The following SEMA5A variants were observed in gnomAD, a reference collection of about 807,000 sequenced individuals.
SEMA5A encodes semaphorin-5A.
SEMA5A carries 55 observed loss-of-function variants against 135.5 expected under a neutral mutation model. The ratio of observed to expected loss-of-function variants is 0.41; its 90% CI spans 0.33 to 0.51. The LOEUF is 0.51. Ranked by LOEUF, SEMA5A falls within the 20% of genes least tolerant of loss-of-function variation. SEMA5A has a pLI of 0.37. For missense variants in SEMA5A, 1,290 were observed against 1,419.9 expected (o/e 0.91, Z 1.47); for synonymous variants, 580 against 546.5 (o/e 1.06, Z -0.85).
At chr5:9,164,128 A>AG (rs1743467117) in intron 11 of SEMA5A, among the ~76,000 whole-genome samples, 4 of 110,784 alleles carry the variant, frequency 3.6e-5, no homozygotes, top group Non-Finnish European at 5.0e-5. Flanking sequence ...AATATATCAT[A>AG]TAAATATTTA....
chr5:9,190,443 A>G lies in SEMA5A; in HGVS notation c.1097T>C (p.Val366Ala), dbSNP rs1293498085. 2.5e-6 allele frequency: 4 copies of G among 1,613,688 alleles called. No homozygotes were observed. In the South Asian group the frequency reaches 4.4e-5, roughly 18 times the overall value. ...QCGTVDQGLY[V>A]NLTERNLQDA... ...CTGCAGATTTCTCTCGGTCAGGTTCACGTACAGGCCCTGGTCCACGGTGCC... is the reference window on the plus strand; with the variant it reads ...CTGCAGATTTCTCTCGGTCAGGTTCGCGTACAGGCCCTGGTCCACGGTGCC... The change falls in exon 11 of 23, where the codon GTG becomes GCG. Residue 366 changes from valine (V) to alanine (A), a missense_variant. Val to Ala is a moderately conservative substitution (Grantham distance 64). Around this residue, in one of 3 missense-constraint regions of SEMA5A, gnomAD observed 1,029 missense variants for 1,086.6 expected, o/e 0.95. Coordinates refer to ENST00000382496, the MANE Select transcript of SEMA5A (RefSeq NM_003966.3).
At chr5:9,446,181 T>C (rs1415637926) in intron 1 of SEMA5A, among the ~76,000 whole-genome samples, 1 of 152,164 alleles carries the variant, frequency 6.6e-6, no homozygotes, top group African/African-American at 2.4e-5. Context: ...TTGGTGAATA[T>C]TTAAAGCTAG....
At position 9,291,095 on chromosome 5, in the gene SEMA5A, T is replaced by C. The variant is rs570447647; in HGVS notation, c.270+27277A>G. 3.3e-5 allele frequency among the ~76,000 whole-genome samples: 5 copies of C among 152,316 alleles called. No homozygotes were observed. In the South Asian group the frequency reaches 1.0e-3, roughly 32 times the overall value. On this transcript the variant is annotated intron_variant, in intron 5 of 22. Transcript: ENST00000382496. ...AACAGAATTTCCCATTTTCTTTCCA[T>C]CCGTCTCTTGAGATCACTGCTATTG...
chr5:9,194,857 C>T (rs891555761), intron 10 of SEMA5A, among the ~76,000 whole-genome samples: 108 of 152,102 alleles, frequency 7.1e-4, no homozygotes, highest in Non-Finnish European at 9.3e-4. Context: ...TAAAACCAGT[C>T]GCTCCTGGCC....
At chr5:9,075,935 G>A (rs940564025) in intron 16 of SEMA5A, among the ~76,000 whole-genome samples, 4 of 152,114 alleles carry the variant, frequency 2.6e-5, no homozygotes, top group East Asian at 1.9e-4. Context: ...GGCCAGGCAT[G>A]GTGGCTCACG....
intron 2 of SEMA5A, among the ~76,000 whole-genome samples, chr5:9,384,559 G>GATAGATAGATAGATAGATAC (rs1561207495): frequency 1.6e-5 from 2 of 123,534 alleles, no homozygotes; most frequent in African/African-American, 6.1e-5. Flanking sequence ...TAGATAGATA[G>GATAGATAGATAGATAGATAC]ATAGATAGAT....
At chr5:9,391,757 A>G (rs1186009229) in intron 2 of SEMA5A, among the ~76,000 whole-genome samples, 2 of 152,180 alleles carry the variant, frequency 1.3e-5, no homozygotes, top group African/African-American at 4.8e-5. Flanking sequence ...ATGCCCCTCA[A>G]AAGTCCATTT....
At chr5:9,308,556 A>G (rs1015899) in intron 5 of SEMA5A, among the ~76,000 whole-genome samples, 21,488 of 152,134 alleles carry the variant, frequency 0.14, 1,613 homozygotes, top group South Asian at 0.19. Context: ...GAGAACCCCT[A>G]TCTCAGACTG....
At chr5:9,226,360 G>A (rs1747310887) in intron 7 of SEMA5A, among the ~76,000 whole-genome samples, 2 of 152,160 alleles carry the variant, frequency 1.3e-5, no homozygotes, top group African/African-American at 4.8e-5. Flanking sequence ...TGATTGCCAG[G>A]TTAAAGACAA....
At chr5:9,346,008 AC>A (rs1753850454) in intron 3 of SEMA5A, among the ~76,000 whole-genome samples, 5 of 152,132 alleles carry the variant, frequency 3.3e-5, no homozygotes. Flanking sequence ...TAAAAGCCTG[AC>A]AGACTGCAGC....
intron 10 of SEMA5A, among the ~76,000 whole-genome samples, chr5:9,196,686 C>T (rs1332792415): frequency 1.3e-5 from 2 of 152,154 alleles, no homozygotes; most frequent in African/African-American, 4.8e-5. Context: ...GAAGGGCCTC[C>T]ACCTCCTCTT....
intron 5 of SEMA5A, among the ~76,000 whole-genome samples, chr5:9,240,545 T>G (rs1748136422): frequency 6.6e-6 from 1 of 151,778 alleles, no homozygotes; most frequent in Non-Finnish European, 1.5e-5. Context: ...TTTCATCACT[T>G]GACAGACATG....
At chr5:9,231,451 G>A (rs958474659) in intron 6 of SEMA5A, among the ~76,000 whole-genome samples, 11 of 111,530 alleles carry the variant, frequency 9.9e-5, no homozygotes, top group Non-Finnish European at 1.3e-4. Flanking sequence ...TGAGTACAGA[G>A]CAAGACTCCA....
chr5:9,470,187 C>A (rs1023829445), intron 1 of SEMA5A, among the ~76,000 whole-genome samples: 3 of 152,172 alleles, frequency 2.0e-5, no homozygotes, highest in African/African-American at 7.2e-5. Context: ...ACTCCACAGG[C>A]TGGAAACTCT....
intron 12 of SEMA5A, among the ~76,000 whole-genome samples, chr5:9,151,275 T>C (rs760758460): frequency 7.9e-5 from 12 of 152,194 alleles, no homozygotes; most frequent in African/African-American, 2.4e-5. Flanking sequence ...AAATTAAACA[T>C]GTAAACATGA....
chr5:9,538,525 GA>G (rs1163794071), intron 1 of SEMA5A, among the ~76,000 whole-genome samples: 1 of 152,174 alleles, frequency 6.6e-6, no homozygotes, highest in African/African-American at 2.4e-5. Context: ...GCTCTAATGA[GA>G]CCACAAGATT....
intron 18 of SEMA5A, among the ~76,000 whole-genome samples, chr5:9,056,294 A>T (rs1736887910): frequency 6.6e-6 from 1 of 152,256 alleles, no homozygotes. Flanking sequence ...CACACCTGCC[A>T]AAATGGCTAT....
intron 5 of SEMA5A, among the ~76,000 whole-genome samples, chr5:9,315,950 A>G (rs1752370723): frequency 6.6e-6 from 1 of 152,192 alleles, no homozygotes; most frequent in Non-Finnish European, 1.5e-5. Flanking sequence ...CCCATAAATT[A>G]GCATCTATTG....
intron 1 of SEMA5A, chr5:9,516,525 T>C (rs1295884646): frequency 1.3e-5 from 2 of 152,242 alleles, no homozygotes; most frequent in Non-Finnish European, 2.9e-5. Flanking sequence ...TAGAAAACTG[T>C]CTTCACTTTA....
Sources: allele counts gnomAD v4.1 joint callset (sites outside exome capture counted in the v4.1 genomes callset), GRCh38; gene constraint gnomAD v4.1.1; regional missense constraint gnomAD v4.1.1; transcripts MANE v1.5; gene names NCBI Gene and HGNC (gene_info 2026-07-23, HGNC 2026-07-21).